SPAG9: variants seen among roughly 807,000 people sequenced by gnomAD.
The protein encoded by SPAG9 is C-Jun-amino-terminal kinase-interacting protein 4.
In SPAG9, 35 loss-of-function variants were observed where a neutral mutation model predicts 166.5. The ratio of observed to expected loss-of-function variants is 0.21; its 90% confidence interval spans 0.16 to 0.28. The LOEUF (loss-of-function observed/expected upper bound fraction) is 0.28, where lower values mean the gene tolerates loss of function less well. Among genes scored for constraint, SPAG9 ranks in the 10% least tolerant of loss-of-function variants. The pLI, the probability that SPAG9 is intolerant of heterozygous loss-of-function variation, is 1.00. For synonymous variants in SPAG9, 534 were observed against 565.5 expected, an observed-to-expected ratio of 0.94 and a Z score of 0.79; for missense variants, 1,235 against 1,603.3, an observed-to-expected ratio of 0.77 and a Z score of 3.92.
chr17:51,060,505 T>TAAAAAAAAAAAAAAA (rs35700642), intron 2 of SPAG9, among the ~76,000 whole-genome samples: 1 of 101,490 alleles, frequency 9.9e-6, no homozygotes, highest in Non-Finnish European at 2.2e-5. Context: ...TTTGTCTTTT[T>TAAAAAAAAAAAAAAA]AAAAAAAAAA....
chr17:51,019,975 T>C (rs1295195444), intron 8 of SPAG9, among the ~76,000 whole-genome samples, 184 bp downstream of exon 8: 2 of 152,226 alleles, frequency 1.3e-5, no homozygotes, highest in South Asian at 4.1e-4. Flanking sequence ...CCTGCAAAGA[T>C]AACATTTAAC....
intron 12 of SPAG9, among the ~76,000 whole-genome samples, chr17:51,004,192 G>A (rs1241297256): frequency 6.6e-6 from 1 of 152,090 alleles, no homozygotes; most frequent in Non-Finnish European, 1.5e-5. Context: ...ATAAATATAG[G>A]ATAGCAGCTT....
chr17:51,004,632 A>G (rs1050730764), intron 12 of SPAG9, among the ~76,000 whole-genome samples: 5 of 152,168 alleles, frequency 3.3e-5, no homozygotes, highest in African/African-American at 1.2e-4. Context: ...CGGGAGGCTG[A>G]GGCACAAGAA....
At chr17:50,970,099 A>G (rs1417094010) in intron 29 of SPAG9, among the ~76,000 whole-genome samples, 1 of 152,236 alleles carries the variant, frequency 6.6e-6, no homozygotes, top group Non-Finnish European at 1.5e-5. Flanking sequence ...CGAGGCTCTA[A>G]GAGGTTGAAT....
At chr17:51,051,434 G>A (rs1173123323) in intron 3 of SPAG9, among the ~76,000 whole-genome samples, 4 of 152,112 alleles carry the variant, frequency 2.6e-5, no homozygotes, top group Non-Finnish European at 5.9e-5. Context: ...TAAAAGTTCA[G>A]GGAGACTGGG....
At chr17:51,052,753 T>C (rs1048958258) in intron 3 of SPAG9, among the ~76,000 whole-genome samples, 11 of 152,288 alleles carry the variant, frequency 7.2e-5, no homozygotes, top group Admixed American at 7.2e-4. Context: ...TTTACCGTTA[T>C]TTTTAAAGAA....
intron 2 of SPAG9, among the ~76,000 whole-genome samples, chr17:51,077,012 AGC>A (rs1491177289): frequency 5.3e-5 from 5 of 94,404 alleles, no homozygotes; most frequent in African/African-American, 2.2e-4. Context: ...CTAGCTAGCT[AGC>A]TAGCTATCTA....
chr17:50,984,857 A>C, intron 24 of SPAG9, 66 bp downstream of exon 24: 1 of 1,217,880 alleles, frequency 8.2e-7, no homozygotes, highest in Non-Finnish European at 1.2e-6. Flanking sequence ...ACATAAACCA[A>C]TCTACTTAAA....
chr17:51,099,546 T>C (rs2144729497), intron 1 of SPAG9, among the ~76,000 whole-genome samples: 1 of 151,678 alleles, frequency 6.6e-6, no homozygotes, highest in Non-Finnish European at 1.5e-5. Flanking sequence ...CATTTCAGAT[T>C]TCACATTTTC....
At position 51,087,655 on chromosome 17, in the gene SPAG9, G is replaced by A. The variant is rs2048338453; in HGVS notation, c.304-7951C>T. Among the ~76,000 whole-genome samples the A allele has an allele frequency of 1.3e-5, 2 of 152,186 alleles. 1 individual carries two copies. The highest frequency in any genetic ancestry group is 4.1e-4 in the South Asian group (2 of 4,824). On this transcript the variant is annotated intron_variant, in intron 1 of 29. Coordinates refer to ENST00000262013, the MANE Select transcript of SPAG9 (RefSeq NM_001130528.3). Reference sequence around the variant, plus strand: ...TCTTAGTTGGGCTGGTAGCACATGAGTTCTGCTGAACCTCATTACTAGGTT... The same window carrying A: ...TCTTAGTTGGGCTGGTAGCACATGAATTCTGCTGAACCTCATTACTAGGTT...
chr17:51,043,632 G>A (rs2046921964), intron 4 of SPAG9, among the ~76,000 whole-genome samples: 1 of 152,084 alleles, frequency 6.6e-6, no homozygotes, highest in South Asian at 2.1e-4. Flanking sequence ...AATCCAAGGG[G>A]ACTAAGAGCT....
Position 50,987,204 on chromosome 17 carries a change from T to A in SPAG9, c.2847A>T (p.Ser949=). 6.2e-7 allele frequency: 1 copy of A among 1,612,572 alleles called. No homozygotes were observed. The highest frequency in any genetic ancestry group is 8.5e-7 in the Non-Finnish European group (1 of 1,179,434). Residue 949 remains serine (S), a synonymous_variant, in exon 22 of 30, where the codon TCA becomes TCT. Transcript: ENST00000262013. The part of the protein sequence containing the change: ...NDSDAYKDQI[S]VLPNEQDLVR... Reference sequence around the variant, plus strand: ...CCAAGTCTTGTTCATTTGGCAGTACTGATATTTGATCTTTATATGCATCTG... The same window carrying A: ...CCAAGTCTTGTTCATTTGGCAGTACAGATATTTGATCTTTATATGCATCTG...
intron 1 of SPAG9, among the ~76,000 whole-genome samples, chr17:51,088,246 A>G (rs775862347): frequency 2.0e-5 from 3 of 152,244 alleles, no homozygotes; most frequent in Non-Finnish European, 4.4e-5. Context: ...ACACCTATTC[A>G]CAATGCCTAT....
intron 3 of SPAG9, among the ~76,000 whole-genome samples, chr17:51,055,735 G>A (rs888391788): frequency 4.6e-5 from 7 of 151,850 alleles, no homozygotes; most frequent in African/African-American, 1.5e-4. Context: ...TATTTATCTG[G>A]GTATGTGAAA....
chr17:51,038,362 T>C (rs2046701536), intron 5 of SPAG9, among the ~76,000 whole-genome samples: 2 of 151,868 alleles, frequency 1.3e-5, no homozygotes, highest in Non-Finnish European at 2.9e-5. Context: ...AAACCAGCAA[T>C]GGAGAAGGAA....
rs1000607543 is a variant in SPAG9 at position 51,022,185 on chromosome 17, T to C, written c.784-820A>G. Among the ~76,000 whole-genome samples, 4 of 143,994 alleles carry C rather than the reference T, an allele frequency of 2.8e-5. No homozygotes were observed. The South Asian group carries it at 9.4e-4, about 34-fold the overall frequency. 94.5% of individuals were successfully genotyped at this position (143,994 alleles called of 152,430 possible). Reference sequence around the variant, plus strand: ...ATTCCAGCCACGCACATGCCTGTAATCCCAGCTGAGGCGGGAGGATCCCTT... The same window carrying C: ...ATTCCAGCCACGCACATGCCTGTAACCCCAGCTGAGGCGGGAGGATCCCTT... On this transcript the variant is annotated intron_variant, in intron 6 of 29. Transcript: ENST00000262013.
chr17:51,099,484 C>T (rs1598180411), intron 1 of SPAG9, among the ~76,000 whole-genome samples: 1 of 148,984 alleles, frequency 6.7e-6, no homozygotes. Flanking sequence ...GTAGTATGTT[C>T]AAAGTAACTT....
At chr17:51,009,864 C>T (rs1028249887) in intron 9 of SPAG9, among the ~76,000 whole-genome samples, 1 of 151,774 alleles carries the variant, frequency 6.6e-6, no homozygotes, top group Non-Finnish European at 1.5e-5. Flanking sequence ...GTACACATTC[C>T]CAATGAAGAG....
At chr17:50,982,711 C>G (rs1974749668) in intron 24 of SPAG9, 39 bp from the exon 25 acceptor site, 1 of 1,522,524 alleles carries the variant, frequency 6.6e-7, no homozygotes, top group African/African-American at 1.4e-5. Flanking sequence ...ATACATACCA[C>G]CTGTTACTCA....
Sources: gnomAD v4.1 joint callset for allele counts (sites outside exome capture counted in the v4.1 genomes callset) on GRCh38, gnomAD v4.1.1 for gene constraint, MANE v1.5 for transcripts, NCBI Gene and HGNC (gene_info 2026-07-23, HGNC 2026-07-21) for gene names.